UST: variants seen among roughly 807,000 people sequenced by gnomAD.
UST encodes chondroitin sulfate 2-O-sulfotransferase.
Under a neutral mutation model 45.6 loss-of-function variants are expected in UST, and 21 were observed. That is an observed-to-expected ratio of 0.46 (90% CI 0.33 to 0.66). UST has a LOEUF of 0.66. UST is among the 30% of genes least tolerant of loss of function. The pLI, the probability that UST is intolerant of heterozygous loss-of-function variation, is 0.02. For synonymous variants in UST, 215 were observed against 200.6 expected (o/e 1.07, Z -0.61); for missense variants, 463 against 512.4 (o/e 0.90, Z 0.93).
chr6:149,010,895 CAAAAAAA>C (rs1172538648), intron 5 of UST, among the ~76,000 whole-genome samples: 1 of 65,620 alleles, frequency 1.5e-5, no homozygotes, highest in Admixed American at 1.8e-4. Context: ...CCGTCTCAAC[CAAAAAAA>C]AAAAAAAAAA....
At position 149,043,019 on chromosome 6, in the gene UST, CTT is replaced by C. The variant is rs1361672569; in HGVS notation, c.937+21542_937+21543del. On this transcript the variant is annotated intron_variant, in intron 7 of 7. Coordinates refer to ENST00000367463, the MANE Select transcript of UST (RefSeq NM_005715.3). The stretch of plus-strand genomic sequence containing the variant: ...TCTTTCTTTCTTTCTTTCTTTCTTT[CTT>C]TTTCTTTCTTTCTTTCTTTCTTTCC... Among the ~76,000 whole-genome samples the C allele has an allele frequency of 5.2e-3, 539 of 103,240 alleles. 1 individual carries two copies. Among genetic ancestry groups the C allele is most frequent in the African/African-American group, 0.012 (262 of 21,128 alleles). The allele number at this position is 103,240 out of a possible 152,430, so 67.7% of individuals were successfully genotyped here. A position where few individuals can be genotyped will look rare whatever the true frequency, so the allele number is the denominator to read the frequency against.
chr6:149,024,033 A>C (rs1776017815), intron 7 of UST, among the ~76,000 whole-genome samples: 1 of 152,228 alleles, frequency 6.6e-6, no homozygotes, highest in Non-Finnish European at 1.5e-5. Context: ...CTCAAAGAGA[A>C]TAAAGGACAT....
At chr6:148,836,174 G>C (rs1206365437) in intron 1 of UST, among the ~76,000 whole-genome samples, 2 of 152,192 alleles carry the variant, frequency 1.3e-5, no homozygotes, top group African/African-American at 2.4e-5. Flanking sequence ...AGCACTCTCA[G>C]TTAAGCCCTG....
At chr6:148,751,677 A>G (rs772770288) in intron 1 of UST, among the ~76,000 whole-genome samples, 1 of 152,238 alleles carries the variant, frequency 6.6e-6, no homozygotes, top group Non-Finnish European at 1.5e-5. Context: ...TGGGGTAAAT[A>G]GAAATATATA....
At chr6:148,810,496 C>G (rs1383501242) in intron 1 of UST, among the ~76,000 whole-genome samples, 1 of 152,150 alleles carries the variant, frequency 6.6e-6, no homozygotes, top group African/African-American at 2.4e-5. Flanking sequence ...TAGTTTGGTA[C>G]ATAGTTGCCA....
At chr6:148,879,720 C>T (rs947616406) in intron 1 of UST, among the ~76,000 whole-genome samples, 5 of 152,182 alleles carry the variant, frequency 3.3e-5, no homozygotes, top group African/African-American at 1.2e-4. Context: ...CTATCATGTG[C>T]TGGTGTTGTT....
chr6:148,905,712 G>A (rs1723116575), intron 2 of UST, among the ~76,000 whole-genome samples: 1 of 152,238 alleles, frequency 6.6e-6, no homozygotes, highest in Non-Finnish European at 1.5e-5. Flanking sequence ...CATCCTTTGA[G>A]CGTATCATTT....
intron 2 of UST, among the ~76,000 whole-genome samples, chr6:148,888,939 C>T (rs1039024438): frequency 1.2e-4 from 19 of 152,196 alleles, no homozygotes; most frequent in African/African-American, 4.1e-4. Context: ...TTGTATTAGC[C>T]TCAATGCACA....
chr6:148,991,532 C>G (rs1040741006), intron 5 of UST, among the ~76,000 whole-genome samples: 5 of 128,116 alleles, frequency 3.9e-5, no homozygotes, highest in Non-Finnish European at 8.0e-5. Flanking sequence ...CACGACAGGC[C>G]CCGGTGTGTG....
At chr6:149,014,323 T>G (rs1005045390) in intron 5 of UST, among the ~76,000 whole-genome samples, 1 of 152,230 alleles carries the variant, frequency 6.6e-6, no homozygotes, top group African/African-American at 2.4e-5. Context: ...ATGGGCACCA[T>G]GAGGAAGTCT....
intron 4 of UST, among the ~76,000 whole-genome samples, chr6:148,956,333 C>T (rs751723061): frequency 2.8e-4 from 42 of 152,042 alleles, no homozygotes; most frequent in Non-Finnish European, 5.4e-4. Context: ...GGGGAGGCCT[C>T]AGAATCATGG....
intron 1 of UST, among the ~76,000 whole-genome samples, chr6:148,879,949 T>G (rs575780352): frequency 7.7e-6 from 1 of 129,750 alleles, no homozygotes; most frequent in Non-Finnish European, 1.6e-5. Flanking sequence ...TTCTTTTTTT[T>G]TTCTTTTTTT....
intron 7 of UST, among the ~76,000 whole-genome samples, chr6:149,025,441 C>T (rs1776036810): frequency 6.6e-6 from 1 of 152,036 alleles, no homozygotes; most frequent in African/African-American, 2.4e-5. Flanking sequence ...GATGGATAAC[C>T]AAGAGAATAT....
At chr6:149,001,808 A>G (rs1781554967) in intron 5 of UST, among the ~76,000 whole-genome samples, 2 of 152,246 alleles carry the variant, frequency 1.3e-5, no homozygotes, top group African/African-American at 4.8e-5. Context: ...ATTAAGTGTT[A>G]AAAGTTGTTT....
At chr6:148,852,021 G>A (rs17088271) in intron 1 of UST, among the ~76,000 whole-genome samples, 2,758 of 152,324 alleles carry the variant, frequency 0.018, 52 homozygotes, top group African/African-American at 0.049. Flanking sequence ...CAAGGAATCC[G>A]AGGATGATGT....
At chr6:149,066,146 T>A (rs1776727356) in intron 7 of UST, 1 of 151,948 alleles carries the variant, frequency 6.6e-6, no homozygotes, top group Non-Finnish European at 1.5e-5. Context: ...CAAAATGGAG[T>A]GTGTGGCCCA....
At chr6:148,778,735 T>C (rs1029445237) in intron 1 of UST, among the ~76,000 whole-genome samples, 15 of 152,334 alleles carry the variant, frequency 9.8e-5, no homozygotes, top group South Asian at 6.2e-4. Context: ...TAAGCCATCA[T>C]CACTGACATT....
At chr6:148,935,435 A>G (rs975028612) in intron 2 of UST, among the ~76,000 whole-genome samples, 2 of 152,162 alleles carry the variant, frequency 1.3e-5, no homozygotes, top group Non-Finnish European at 2.9e-5. Flanking sequence ...TGAGCATTCA[A>G]ACTCTCTGTG....
At chr6:148,989,650 A>T (rs1193965630) in intron 5 of UST, among the ~76,000 whole-genome samples, 1 of 152,220 alleles carries the variant, frequency 6.6e-6, no homozygotes, top group East Asian at 1.9e-4. Context: ...GTGAACAGAG[A>T]CCTTGTTAAA....
Sources: allele counts gnomAD v4.1 joint callset (sites outside exome capture counted in the v4.1 genomes callset), GRCh38; gene constraint gnomAD v4.1.1; transcripts MANE v1.5; gene names NCBI Gene and HGNC (gene_info 2026-07-23, HGNC 2026-07-21).